RELN: variants seen among roughly 807,000 people sequenced by gnomAD.
RELN encodes reelin.
A neutral mutation model predicts 427.6 loss-of-function variants in RELN; 108 were observed. That is an observed-to-expected ratio of 0.25 (90% CI 0.22 to 0.30). The LOEUF (loss-of-function observed/expected upper bound fraction) is 0.30, where lower values mean the gene tolerates loss of function less well. Ranked by LOEUF, RELN falls within the 10% of genes least tolerant of loss-of-function variation. RELN has a pLI of 1.00. For synonymous variants in RELN, 1,524 were observed against 1,513.4 expected (o/e 1.01, Z -0.16); for missense variants, 3,715 against 4,302.8 (o/e 0.86, Z 3.82).
intron 41 of RELN, among the ~76,000 whole-genome samples, 196 bp from the exon 42 acceptor site, chr7:103,545,540 T>A (rs1419256227): frequency 6.6e-6 from 1 of 152,222 alleles, no homozygotes; most frequent in East Asian, 1.9e-4. Flanking sequence ...TTGTTTCTTG[T>A]AAGCTTTTCC....
chr7:103,547,758 A>G (rs1830330909), intron 41 of RELN, among the ~76,000 whole-genome samples: 1 of 152,228 alleles, frequency 6.6e-6, no homozygotes, highest in Non-Finnish European at 1.5e-5. Flanking sequence ...CCTTTGAACA[A>G]AAGCCTACAA....
At chr7:103,690,178 A>G (rs1346233022) in intron 10 of RELN, among the ~76,000 whole-genome samples, 1 of 152,122 alleles carries the variant, frequency 6.6e-6, no homozygotes, top group East Asian at 1.9e-4. Flanking sequence ...ATTTTTAATC[A>G]CTATGCAGTG....
At chr7:103,564,596 C>A (rs1190468602) in intron 34 of RELN, among the ~76,000 whole-genome samples, 2 of 152,088 alleles carry the variant, frequency 1.3e-5, no homozygotes, top group East Asian at 1.9e-4. Flanking sequence ...TATCTCTCCC[C>A]TCCATTCTCC....
chr7:103,833,047 A>G (rs1285892752), intron 3 of RELN, among the ~76,000 whole-genome samples: 1 of 152,146 alleles, frequency 6.6e-6, no homozygotes, highest in African/African-American at 2.4e-5. Context: ...ATATATGTTT[A>G]CATTTGGGAT....
intron 4 of RELN, among the ~76,000 whole-genome samples, chr7:103,767,066 G>C (rs1010675588): frequency 2.0e-5 from 3 of 152,310 alleles, no homozygotes; most frequent in Admixed American, 1.3e-4. Context: ...GGTATGCCAA[G>C]AAGCCCACAG....
intron 20 of RELN, among the ~76,000 whole-genome samples, chr7:103,621,407 A>G (rs1038331989): frequency 6.6e-6 from 1 of 152,162 alleles, no homozygotes; most frequent in African/African-American, 2.4e-5. Context: ...GTTTCTTCTC[A>G]TATTTTTTAG....
In RELN at chr7:103,539,225, G is replaced by A; in HGVS notation, c.7033C>T (p.Pro2345Ser). The A allele has an allele frequency of 6.2e-7, 1 of 1,614,244 alleles. No individual in the cohort carries two copies. Among genetic ancestry groups the A allele is most frequent in the South Asian group, 1.1e-5 (1 of 91,080 alleles). The part of the protein sequence containing the change: ...WLLHPGGTKM[P>S]VCGSTGDALV... ...GCATCACCAGTAGAGCCACACACGG[G>A]CATCTTGGTGCCTCCTGGGTGAAGC... The change falls in exon 45 of 65, where the codon CCC becomes TCC. Residue 2345 changes from proline to serine, a missense_variant. Pro to Ser is a moderately conservative substitution (Grantham distance 74). Transcript: ENST00000428762.
chr7:103,837,209 C>T (rs547808391), intron 2 of RELN, among the ~76,000 whole-genome samples: 1 of 152,326 alleles, frequency 6.6e-6, no homozygotes, highest in South Asian at 2.1e-4. Context: ...TCCTGTCTCA[C>T]TCCCATGTTC....
intron 49 of RELN, among the ~76,000 whole-genome samples, chr7:103,518,169 G>A (rs188857939): frequency 1.2e-4 from 18 of 152,188 alleles, no homozygotes; most frequent in Non-Finnish European, 1.8e-4. Context: ...ATAGGAGAGA[G>A]AGAAAAATTA....
At position 103,873,640 on chromosome 7, in the gene RELN, C is replaced by G. The variant is rs1794406050; in HGVS notation, c.338-39968G>C. Among the ~76,000 whole-genome samples the G allele has an allele frequency of 2.4e-5, 3 of 127,366 alleles. No individual in the cohort carries two copies. The Admixed American group carries it at 2.5e-4, about 10-fold the overall frequency. The allele number at this position is 127,366 out of a possible 152,430, so 83.6% of individuals were successfully genotyped here. On this transcript the variant is annotated intron_variant, in intron 2 of 64. Transcript: ENST00000428762. Reference sequence around the variant, plus strand: ...ATAAATTCCTCGACACATACACTCTCCCAAGACTAAACCAGGAAGAAGTTG... The same window carrying G: ...ATAAATTCCTCGACACATACACTCTGCCAAGACTAAACCAGGAAGAAGTTG...
intron 1 of RELN, among the ~76,000 whole-genome samples, chr7:103,926,701 G>C (rs1054575071): frequency 2.9e-5 from 4 of 137,014 alleles, no homozygotes; most frequent in African/African-American, 1.1e-4. Flanking sequence ...CTAGAGGGCA[G>C]TGGCCTGATC....
At chr7:103,858,898 A>C (rs546996619) in intron 2 of RELN, among the ~76,000 whole-genome samples, 2 of 152,316 alleles carry the variant, frequency 1.3e-5, no homozygotes, top group South Asian at 2.1e-4. Flanking sequence ...ACAACAACAA[A>C]AAACTCCTGT....
At chr7:103,562,154 A>C (rs534318684) in intron 34 of RELN, among the ~76,000 whole-genome samples, 1 of 152,342 alleles carries the variant, frequency 6.6e-6, no homozygotes, top group South Asian at 2.1e-4. Context: ...GAGAGTAGAA[A>C]GCATGTTATT....
At chr7:103,490,522 G>C in intron 59 of RELN, 146 bp downstream of exon 59, 1 of 847,918 alleles carries the variant, frequency 1.2e-6, no homozygotes, top group Non-Finnish European at 2.0e-6. Flanking sequence ...TTGGTGAGAG[G>C]AGGGAGAAAA....
At chr7:103,730,084 A>G (rs1790315349) in intron 6 of RELN, among the ~76,000 whole-genome samples, 1 of 152,072 alleles carries the variant, frequency 6.6e-6, no homozygotes, top group Admixed American at 6.6e-5. Context: ...GTCATTGTGA[A>G]ATGGCTTAAG....
chr7:103,563,669 T>G lies in RELN; in HGVS notation c.5210+1609A>C, dbSNP rs906620318. Among the ~76,000 whole-genome samples the G allele has an allele frequency of 2.6e-5, 4 of 152,124 alleles. No individual in the cohort carries two copies. Among genetic ancestry groups the G allele is most frequent in the Non-Finnish European group, 4.4e-5 (3 of 68,030 alleles). On this transcript the variant is annotated intron_variant, in intron 34 of 64. Transcript: ENST00000428762. This position sits in a 1 kb window ranked among gnomAD's most constrained non-coding sequence, Gnocchi z 4.1. ...ACAGTAATATTCTAGGCCTTCACATTCACTCACCACTCACTCACCCACTCA... is the reference window on the plus strand; with the variant it reads ...ACAGTAATATTCTAGGCCTTCACATGCACTCACCACTCACTCACCCACTCA...
chr7:103,855,200 T>C (rs35462289), intron 2 of RELN, among the ~76,000 whole-genome samples: 22,144 of 152,230 alleles, frequency 0.15, 1,892 homozygotes, highest in East Asian at 0.34. Flanking sequence ...GGGAACAGCA[T>C]GCTTGAAGCG....
intron 9 of RELN, among the ~76,000 whole-genome samples, chr7:103,699,681 A>T (rs1353912963): frequency 1.6e-4 from 24 of 152,180 alleles, no homozygotes. Context: ...AAATGGAGAC[A>T]TAGGTAAATT....
At chr7:103,952,048 G>A (rs898617215) in intron 1 of RELN, among the ~76,000 whole-genome samples, 4 of 152,246 alleles carry the variant, frequency 2.6e-5, no homozygotes, top group African/African-American at 4.8e-5. Flanking sequence ...TCAGTTATCA[G>A]TTCTTATTTT....
Sources: allele counts gnomAD v4.1 joint callset (sites outside exome capture counted in the v4.1 genomes callset), GRCh38; gene constraint gnomAD v4.1.1; non-coding constraint Gnocchi (gnomAD v3.1); transcripts MANE v1.5; gene names NCBI Gene and HGNC (gene_info 2026-07-23, HGNC 2026-07-21).